Variants in RAI14 observed in about 807,000 individuals in gnomAD.
RAI14 encodes the protein ankycorbin.
Under a neutral mutation model 115.4 loss-of-function variants are expected in RAI14, and 45 were observed. The ratio of observed to expected loss-of-function variants is 0.39; its 90% CI spans 0.31 to 0.50. The LOEUF is 0.50. RAI14 is among the 20% of genes least tolerant of loss of function. The pLI, the probability that RAI14 is intolerant of heterozygous loss-of-function variation, is 0.85. For missense variants in RAI14, 939 were observed against 1,131.2 expected (o/e 0.83, Z 2.44); for synonymous variants, 371 against 415.4 (o/e 0.89, Z 1.30).
At position 34,830,855 on chromosome 5, in the gene RAI14, G is replaced by A. The variant is rs566732804; in HGVS notation, c.*90G>A. The A allele has an allele frequency of 5.4e-5, 85 of 1,581,196 alleles. No individual in the cohort carries two copies. Among genetic ancestry groups the A allele is most frequent in the Non-Finnish European group, 6.4e-5 (74 of 1,163,060 alleles). On this transcript the variant is annotated 3_prime_UTR_variant, in exon 18 of 18. Transcript: ENST00000265109. ...GCAGCCGCTGCCATTGTTCTCATTC[G>A]TGGTATGCACTGTGGCCTAGCGTAG...
At chr5:34,815,955 G>A (rs575541968) in intron 12 of RAI14, among the ~76,000 whole-genome samples, 4 of 152,112 alleles carry the variant, frequency 2.6e-5, no homozygotes, top group African/African-American at 7.2e-5. Flanking sequence ...CAAAAATAAG[G>A]TGTGGAAGTT....
intron 4 of RAI14, 34 bp downstream of exon 4, chr5:34,796,061 C>T (rs759843771): frequency 1.7e-5 from 26 of 1,517,440 alleles, no homozygotes; most frequent in Non-Finnish European, 2.1e-5. Flanking sequence ...GTCAGCAGGC[C>T]AGCACCAGAT....
At chr5:34,723,939 CCT>C (rs1416076164) in intron 2 of RAI14, among the ~76,000 whole-genome samples, 1 of 152,064 alleles carries the variant, frequency 6.6e-6, no homozygotes, top group East Asian at 1.9e-4. Context: ...TGCTTTTTTG[CCT>C]TGGTGTGACT....
chr5:34,778,772 A>C, intron 3 of RAI14, among the ~76,000 whole-genome samples: 1 of 152,032 alleles, frequency 6.6e-6, no homozygotes, highest in East Asian at 1.9e-4. Flanking sequence ...GAAAAAAAAA[A>C]ACTATCTTAA....
Position 34,829,750 on chromosome 5 carries a change from CAGG to C in RAI14, c.2822_2824del (p.Glu941del). On this transcript the variant is annotated inframe_deletion, in exon 17 of 18. Coordinates refer to ENST00000265109, the MANE Select transcript of RAI14 (RefSeq NM_015577.3). The stretch of plus-strand genomic sequence containing the variant: ...TTTCTAGGAATGCAAGAAACAACAC[CAGG>C]AGGTCATATCAGTTTACAGAATGCA... The C allele has an allele frequency of 6.2e-7, 1 of 1,611,284 alleles. No individual in the cohort carries two copies. The highest frequency in any genetic ancestry group is 8.5e-7 in the Non-Finnish European group (1 of 1,178,276).
intron 1 of RAI14, among the ~76,000 whole-genome samples, chr5:34,673,845 G>A (rs977713213): frequency 1.3e-5 from 2 of 152,148 alleles, no homozygotes; most frequent in Non-Finnish European, 2.9e-5. Context: ...CACCCAGAGA[G>A]GAAGGTCTAC....
At chr5:34,685,412 A>T (rs1744757104) in intron 1 of RAI14, among the ~76,000 whole-genome samples, 3 of 152,142 alleles carry the variant, frequency 2.0e-5, no homozygotes, top group African/African-American at 7.2e-5. Context: ...AGTTATAAGG[A>T]TGCAAAAACA....
chr5:34,748,818 T>TAAA (rs56983390), intron 2 of RAI14, among the ~76,000 whole-genome samples: 2 of 127,878 alleles, frequency 1.6e-5, no homozygotes, highest in African/African-American at 5.5e-5. Context: ...AAATAAAAAT[T>TAAA]AAAAAAAAAA....
intron 1 of RAI14, among the ~76,000 whole-genome samples, chr5:34,667,883 G>T (rs1277814600): frequency 6.6e-6 from 1 of 152,150 alleles, no homozygotes. Context: ...CCATGCTGAG[G>T]CTCTTAATCT....
chr5:34,776,617 G>A (rs963963075), intron 3 of RAI14, among the ~76,000 whole-genome samples: 2 of 151,628 alleles, frequency 1.3e-5, no homozygotes, highest in Non-Finnish European at 2.9e-5. Flanking sequence ...GCCAGCCTGG[G>A]CAACATGGCA....
At chr5:34,667,239 C>T (rs1743285197) in intron 1 of RAI14, 1 of 152,118 alleles carries the variant, frequency 6.6e-6, no homozygotes, top group Non-Finnish European at 1.5e-5. Context: ...AAAATGTTCA[C>T]GTTTCTCTTT....
At chr5:34,726,329 C>T (rs1895461) in intron 2 of RAI14, among the ~76,000 whole-genome samples, 184 of 152,234 alleles carry the variant, frequency 1.2e-3, no homozygotes, top group African/African-American at 4.4e-3. Context: ...CCTGGGGAGG[C>T]CTCATGAAAC....
At chr5:34,785,553 A>G (rs1561360401) in intron 3 of RAI14, among the ~76,000 whole-genome samples, 1 of 152,166 alleles carries the variant, frequency 6.6e-6, no homozygotes. Flanking sequence ...AGGGGTTACC[A>G]ACTCCAGCTA....
At chr5:34,685,158 GATAGCT>G (rs1415432357) in intron 1 of RAI14, 3 of 151,918 alleles carry the variant, frequency 2.0e-5, no homozygotes, top group Non-Finnish European at 4.4e-5. Flanking sequence ...GAGGCCAGAG[GATAGCT>G]TGAGCCCAGG....
intron 9 of RAI14, 87 bp downstream of exon 9, chr5:34,812,032 AT>A: frequency 1.5e-6 from 2 of 1,316,472 alleles, no homozygotes; most frequent in Non-Finnish European, 2.1e-6. Context: ...AATATGATAT[AT>A]TTTATTATTC....
intron 1 of RAI14, among the ~76,000 whole-genome samples, chr5:34,658,755 G>A (rs1458216966): frequency 6.6e-6 from 1 of 151,972 alleles, no homozygotes; most frequent in Non-Finnish European, 1.5e-5. Context: ...CTGGGATTGC[G>A]CCACTGCACT....
At chr5:34,726,493 C>T (rs1044158403) in intron 2 of RAI14, among the ~76,000 whole-genome samples, 1 of 152,174 alleles carries the variant, frequency 6.6e-6, no homozygotes, top group African/African-American at 2.4e-5. Context: ...AATCCGCCCC[C>T]ATGATCCAAT....
chr5:34,745,839 G>A (rs182648925), intron 2 of RAI14, among the ~76,000 whole-genome samples: 98 of 152,132 alleles, frequency 6.4e-4, no homozygotes, highest in African/African-American at 2.2e-3. Flanking sequence ...CATGTGTAGG[G>A]CTTCTTGGCC....
At position 34,736,447 on chromosome 5, in the gene RAI14, C is replaced by T. The variant is rs538551091; in HGVS notation, c.37-21021C>T. Among the ~76,000 whole-genome samples, 180 of 151,708 alleles carry T rather than the reference C, an allele frequency of 1.2e-3. 2 individuals carry two copies. Among genetic ancestry groups the T allele is most frequent in the Non-Finnish European group, 4.4e-4 (30 of 67,884 alleles). ...AGTGTTTTTTGTTTTTTTTTTAATT[C>T]CAAACTGCCCTAAATTTCCATAGTT... On this transcript the variant is annotated intron_variant, in intron 2 of 17. Coordinates refer to ENST00000265109, the MANE Select transcript of RAI14 (RefSeq NM_015577.3).
Sources: gnomAD v4.1 joint callset for allele counts (sites outside exome capture counted in the v4.1 genomes callset) on GRCh38, gnomAD v4.1.1 for gene constraint, MANE v1.5 for transcripts, NCBI Gene and HGNC (gene_info 2026-07-23, HGNC 2026-07-21) for gene names.